IGF2R: variants seen among roughly 807,000 people sequenced by gnomAD.
The protein encoded by IGF2R is cation-independent mannose-6-phosphate receptor.
IGF2R carries 91 observed loss-of-function variants against 270.6 expected under a neutral mutation model. The observed-to-expected ratio is 0.34, with a 90% CI of 0.28 to 0.40. The LOEUF (loss-of-function observed/expected upper bound fraction) is 0.40, where lower values mean the gene tolerates loss of function less well. Among genes scored for constraint, IGF2R ranks in the 10% least tolerant of loss-of-function variants. The pLI is 1.00. For missense variants in IGF2R, 2,805 were observed against 3,188.3 expected, an observed-to-expected ratio of 0.88 and a Z score of 2.90; for synonymous variants, 1,316 against 1,258.9, an observed-to-expected ratio of 1.05 and a Z score of -0.96.
chr6:160,041,959 G>T (rs1301072001), intron 11 of IGF2R, among the ~76,000 whole-genome samples: 2 of 152,004 alleles, frequency 1.3e-5, no homozygotes, highest in Non-Finnish European at 2.9e-5. Context: ...GGTTTCTTAC[G>T]GTGAACTGGG....
At position 159,969,308 on chromosome 6, in the gene IGF2R, G is replaced by T. The variant is rs764668970; in HGVS notation, c.62G>T (p.Arg21Leu). ...LGPAPARRPQ[R>L]SLLLLQLLLL... ...CCCGCGCCCGCCCGCCGCCCGCAGC[G>T]CTCTCTGCTCCTGCTGCAGCTGCTG... Residue 21 changes from arginine (R) to leucine (L), a missense_variant, in exon 1 of 48, where the codon CGC becomes CTC. Physicochemically the swap from Arg to Leu is moderately radical, Grantham distance 102. Transcript: ENST00000356956. The T allele has an allele frequency of 4.7e-6, 6 of 1,269,910 alleles. No individual in the cohort carries two copies. Among genetic ancestry groups the T allele is most frequent in the Middle Eastern group, 3.0e-4 (1 of 3,362 alleles). The allele number at this position is 1,269,910 out of a possible 1,614,324, so 78.7% of individuals were successfully genotyped here.
intron 22 of IGF2R, among the ~76,000 whole-genome samples, chr6:160,059,778 AG>A (rs1408338741): frequency 6.6e-6 from 1 of 152,244 alleles, no homozygotes; most frequent in African/African-American, 2.4e-5. Flanking sequence ...ATATAAACAA[AG>A]TGCACTGTCT....
At chr6:160,094,493 C>G (rs1583304401) in intron 44 of IGF2R, 1 of 156,262 alleles carries the variant, frequency 6.4e-6, no homozygotes, top group African/African-American at 2.4e-5. Context: ...TTTTGTGAAG[C>G]CTCAGAATCT....
intron 1 of IGF2R, among the ~76,000 whole-genome samples, chr6:159,978,643 C>T (rs1783731466): frequency 1.3e-5 from 2 of 151,958 alleles, no homozygotes; most frequent in African/African-American, 4.8e-5. Context: ...TTCCACCTTG[C>T]TGTGCAACTT....
intron 15 of IGF2R, 67 bp from the exon 16 acceptor site, chr6:160,047,092 A>G (rs1342353393): frequency 4.0e-6 from 6 of 1,483,120 alleles, no homozygotes; most frequent in Admixed American, 1.7e-5. Flanking sequence ...CCCTCCCTTC[A>G]GTGTGGCAGC....
intron 44 of IGF2R, 57 bp from the exon 45 acceptor site, chr6:160,096,382 C>G (rs888248953): frequency 2.0e-6 from 3 of 1,506,448 alleles, no homozygotes; most frequent in Non-Finnish European, 2.7e-6. Flanking sequence ...GAGCTAAGCT[C>G]AGTCTGCTCG....
In IGF2R at chr6:160,064,546, A is replaced by T; in HGVS notation, c.4017+15A>T. On this transcript the variant is annotated intron_variant, in intron 28 of 47. Coordinates refer to ENST00000356956, the MANE Select transcript of IGF2R (RefSeq NM_000876.4). Reference sequence around the variant, plus strand: ...GCACCCAGCGGGTGAGCATGTACCGACGGCCCTCAGCGGGGTCTTCTCCCC... The same window carrying T: ...GCACCCAGCGGGTGAGCATGTACCGTCGGCCCTCAGCGGGGTCTTCTCCCC... The T allele has an allele frequency of 6.2e-7, 1 of 1,613,574 alleles. No individual in the cohort carries two copies. The highest frequency in any genetic ancestry group is 8.5e-7 in the Non-Finnish European group (1 of 1,179,640).
intron 35 of IGF2R, 89 bp from the exon 36 acceptor site, chr6:160,075,758 T>C (rs893483784): frequency 2.9e-6 from 4 of 1,393,720 alleles, no homozygotes; most frequent in Non-Finnish European, 4.0e-6. Flanking sequence ...TGAGGTCTGG[T>C]TTTTGCAATT....
chr6:160,038,102 G>A (rs913906430), intron 10 of IGF2R, among the ~76,000 whole-genome samples: 1 of 152,156 alleles, frequency 6.6e-6, no homozygotes, highest in African/African-American at 2.4e-5. Context: ...GAGCTCCTTG[G>A]TTCCATTTGA....
intron 10 of IGF2R, 98 bp from the exon 11 acceptor site, chr6:160,040,462 A>G: frequency 1.0e-6 from 1 of 955,582 alleles, no homozygotes; most frequent in Non-Finnish European, 1.6e-6. Context: ...TTAACGGAGC[A>G]GTTGGCATTG....
At chr6:159,999,371 G>A (rs954353353) in intron 2 of IGF2R, among the ~76,000 whole-genome samples, 1 of 152,204 alleles carries the variant, frequency 6.6e-6, no homozygotes. Flanking sequence ...CCAGAATGGC[G>A]TTACTTTAGC....
intron 15 of IGF2R, 89 bp downstream of exon 15, chr6:160,046,734 C>T: frequency 7.4e-7 from 1 of 1,358,442 alleles, no homozygotes; most frequent in African/African-American, 1.5e-5. Context: ...CACTTAATGT[C>T]ATTGCTTTAT....
intron 45 of IGF2R, among the ~76,000 whole-genome samples, chr6:160,100,145 A>ATATTTATATG (rs1583307456): frequency 1.3e-5 from 2 of 152,222 alleles, no homozygotes; most frequent in East Asian, 3.8e-4. Flanking sequence ...TGGTAGAAAT[A>ATATTTATATG]AATCTAAATA....
At chr6:160,020,616 AAT>A (rs1193042292) in intron 4 of IGF2R, among the ~76,000 whole-genome samples, 1 of 152,238 alleles carries the variant, frequency 6.6e-6, no homozygotes, top group African/African-American at 2.4e-5. Flanking sequence ...AATGGAACAG[AAT>A]AGAAAACCCA....
chr6:160,013,790 T>C (rs892223967), intron 4 of IGF2R, among the ~76,000 whole-genome samples: 2 of 152,220 alleles, frequency 1.3e-5, no homozygotes, highest in Non-Finnish European at 2.9e-5. Context: ...GCATAATGAC[T>C]GCTAAAAATG....
In IGF2R at chr6:160,043,298, G is replaced by T; in HGVS notation, c.1621+10G>T. 1.9e-6 allele frequency: 3 copies of T among 1,610,680 alleles called. No individual in the cohort carries two copies. Among genetic ancestry groups the T allele is most frequent in the Non-Finnish European group, 2.5e-6 (3 of 1,178,394 alleles). ...GCAGTGTGTGCAGTGGGTGAGTTGT[G>T]CCTGGATGGAAGATCTAGGTGATGC... On this transcript the variant is annotated intron_variant, in intron 12 of 47. Transcript: ENST00000356956.
chr6:159,972,805 A>G (rs1447891844), intron 1 of IGF2R, among the ~76,000 whole-genome samples: 1 of 152,216 alleles, frequency 6.6e-6, no homozygotes, highest in African/African-American at 2.4e-5. Context: ...CTGCCCTCTG[A>G]GTTGTGCATT....
At chr6:160,024,131 C>A (rs1777499281) in intron 4 of IGF2R, among the ~76,000 whole-genome samples, 1 of 152,082 alleles carries the variant, frequency 6.6e-6, no homozygotes, top group Non-Finnish European at 1.5e-5. Flanking sequence ...TGGGAGGCAG[C>A]AAGCTGATGG....
intron 10 of IGF2R, 69 bp downstream of exon 10, chr6:160,034,591 G>A: frequency 9.7e-7 from 1 of 1,029,842 alleles, no homozygotes; most frequent in South Asian, 1.3e-5. Context: ...GTGTGCACAG[G>A]CGTGTTCTTG....
Sources: allele counts gnomAD v4.1 joint callset (sites outside exome capture counted in the v4.1 genomes callset), GRCh38; gene constraint gnomAD v4.1.1; transcripts MANE v1.5; gene names NCBI Gene and HGNC (gene_info 2026-07-23, HGNC 2026-07-21).